The following METTL16 variants were observed in gnomAD, a reference collection of about 807,000 sequenced individuals.
The protein encoded by METTL16 is RNA N(6)-adenosine-methyltransferase METTL16.
In METTL16, 19 loss-of-function variants were observed where a neutral mutation model predicts 57.9. The ratio of observed to expected loss-of-function variants is 0.33; its 90% CI spans 0.23 to 0.48. The LOEUF (loss-of-function observed/expected upper bound fraction) is 0.48. Among genes scored for constraint, METTL16 ranks in the 20% least tolerant of loss-of-function variants. METTL16 has a pLI of 0.99. For synonymous variants in METTL16, 246 were observed against 255.6 expected, an observed-to-expected ratio of 0.96 and a Z score of 0.36; for missense variants, 434 against 691.5, an observed-to-expected ratio of 0.63 and a Z score of 4.18.
chr17:2,435,430 C>T (rs2066902353), intron 8 of METTL16, among the ~76,000 whole-genome samples: 1 of 151,976 alleles, frequency 6.6e-6, no homozygotes, highest in Admixed American at 6.6e-5. Context: ...TTTCAAAAAA[C>T]GAGGGTGGGG....
intron 2 of METTL16, among the ~76,000 whole-genome samples, chr17:2,492,002 G>A (rs920749280): frequency 6.6e-6 from 1 of 151,220 alleles, no homozygotes; most frequent in Non-Finnish European, 1.5e-5. Context: ...ACGAGGTCAG[G>A]AGATCGAGAC....
At position 2,492,148 on chromosome 17, in the gene METTL16, T is replaced by C. The variant is rs547855006; in HGVS notation, c.128+10056A>G. ...ATGGCGTGAACCTGGGAGGCGGAGC[T>C]TGCAGTGAGCCGAGATTGCGCCACT... is the stretch of plus-strand genomic sequence containing the variant. On this transcript the variant is annotated intron_variant, in intron 2 of 9. Coordinates refer to ENST00000263092, the MANE Select transcript of METTL16 (RefSeq NM_024086.4). Among the ~76,000 whole-genome samples, 103 of 151,706 alleles carry C rather than the reference T, an allele frequency of 6.8e-4. 1 individual carries two copies. The South Asian group carries it at 9.4e-3, about 14-fold the overall frequency.
intron 6 of METTL16, among the ~76,000 whole-genome samples, chr17:2,452,287 G>T (rs528788352): frequency 6.6e-6 from 1 of 152,040 alleles, no homozygotes; most frequent in Non-Finnish European, 1.5e-5. Context: ...TTTAACCTTT[G>T]CACTAAACTG....
intron 8 of METTL16, chr17:2,424,431 T>G (rs905613979): frequency 1.3e-5 from 2 of 152,046 alleles, no homozygotes; most frequent in African/African-American, 4.8e-5. Flanking sequence ...ATTTTTTAAA[T>G]AGAGAAGGGT....
In METTL16 at chr17:2,508,910, T is replaced by C. The variant is rs546001101; in HGVS notation, c.-1+2849A>G. Reference sequence around the variant, plus strand: ...GTCTTCTTCCATTTTCTCTGCTGCATGGTAGTCTGTCTCACCATCTCCTAT... The same window carrying C: ...GTCTTCTTCCATTTTCTCTGCTGCACGGTAGTCTGTCTCACCATCTCCTAT... On this transcript the variant is annotated intron_variant, in intron 1 of 9. Coordinates refer to ENST00000263092, the MANE Select transcript of METTL16 (RefSeq NM_024086.4). Among the ~76,000 whole-genome samples the C allele has an allele frequency of 6.0e-4, 92 of 152,298 alleles. 2 individuals carry two copies. Among genetic ancestry groups the C allele is most frequent in the Admixed American group, 6.0e-3 (91 of 15,278 alleles).
chr17:2,432,600 AT>A (rs2066881517), intron 8 of METTL16, among the ~76,000 whole-genome samples: 1 of 152,000 alleles, frequency 6.6e-6, no homozygotes, highest in African/African-American at 2.4e-5. Flanking sequence ...TGGTGGAATT[AT>A]TTATATCCGA....
chr17:2,502,148 C>T lies in METTL16; in HGVS notation c.128+56G>A, dbSNP rs942192441. Reference sequence around the variant, plus strand: ...TAACACTCAGGTGGGCTTTCTATTACATCATATCCATTTGAATCACACAAG... The same window carrying T: ...TAACACTCAGGTGGGCTTTCTATTATATCATATCCATTTGAATCACACAAG... On this transcript the variant is annotated intron_variant, in intron 2 of 9. Coordinates refer to ENST00000263092, the MANE Select transcript of METTL16 (RefSeq NM_024086.4). 4.6e-5 allele frequency: 73 copies of T among 1,576,984 alleles called. No individual in the cohort carries two copies. The East Asian group carries it at 1.4e-3, about 31-fold the overall frequency.
chr17:2,422,456 C>G (rs2066773491), intron 8 of METTL16, among the ~76,000 whole-genome samples: 1 of 152,008 alleles, frequency 6.6e-6, no homozygotes, highest in Non-Finnish European at 1.5e-5. Flanking sequence ...TCTCGGCTCA[C>G]TGCAACCTCC....
chr17:2,446,530 C>G (rs2066996293), intron 6 of METTL16, among the ~76,000 whole-genome samples: 1 of 152,136 alleles, frequency 6.6e-6, no homozygotes, highest in African/African-American at 2.4e-5. Context: ...CACCTGTAAT[C>G]TCAGCACTTT....
At chr17:2,461,687 C>T (rs1296751366) in intron 6 of METTL16, among the ~76,000 whole-genome samples, 1 of 151,692 alleles carries the variant, frequency 6.6e-6, no homozygotes, top group Admixed American at 6.6e-5. Context: ...AGCAGTTCTC[C>T]TGCCTCAGCC....
At chr17:2,466,065 C>T (rs562717530) in intron 5 of METTL16, among the ~76,000 whole-genome samples, 1 of 151,554 alleles carries the variant, frequency 6.6e-6, no homozygotes, top group African/African-American at 2.4e-5. Context: ...TGGAGGTGCA[C>T]GCTTATGATC....
chr17:2,425,191 G>C (rs1390518741), intron 8 of METTL16, among the ~76,000 whole-genome samples: 1 of 152,186 alleles, frequency 6.6e-6, no homozygotes, highest in Non-Finnish European at 1.5e-5. Flanking sequence ...GCAAACACTA[G>C]TACATAGAAG....
Position 2,434,469 on chromosome 17 carries a change from T to G in METTL16, c.888+3640A>C, listed in dbSNP as rs565422408. On this transcript the variant is annotated intron_variant, in intron 8 of 9. Transcript: ENST00000263092. ...ACTTCAGGTGATCACCACCTTGGCC[T>G]CCCAAAGTGCTGGGATCACAGGCAT... Among the ~76,000 whole-genome samples, 3 of 152,318 alleles carry G rather than the reference T, an allele frequency of 2.0e-5. No homozygotes were observed. In the South Asian group the frequency reaches 6.2e-4, roughly 32 times the overall value.
Position 2,418,327 on chromosome 17 carries a change from A to T in METTL16, c.*1643T>A, listed in dbSNP as rs1258758170. The T allele has an allele frequency of 6.6e-6, 1 of 152,320 alleles. No homozygotes were observed. The highest frequency in any genetic ancestry group is 1.5e-5 in the Non-Finnish European group (1 of 68,152). The allele number at this position is 152,320 out of a possible 1,614,324, so 9.4% of individuals were successfully genotyped here. On this transcript the variant is annotated 3_prime_UTR_variant, in exon 10 of 10. Coordinates refer to ENST00000263092, the MANE Select transcript of METTL16 (RefSeq NM_024086.4). Reference sequence around the variant, plus strand: ...GGTCAGAGGCTGGGAGTAGTGGCTCACGGCTGTAATCCCAGCACTTTGGGA... The same window carrying T: ...GGTCAGAGGCTGGGAGTAGTGGCTCTCGGCTGTAATCCCAGCACTTTGGGA...
At chr17:2,458,507 T>G (rs1035193789) in intron 6 of METTL16, among the ~76,000 whole-genome samples, 1 of 151,564 alleles carries the variant, frequency 6.6e-6, no homozygotes, top group African/African-American at 2.4e-5. Flanking sequence ...AGCTCAAGAG[T>G]TCCAGACCAG....
chr17:2,481,187 GAC>G (rs2067303414), intron 2 of METTL16, among the ~76,000 whole-genome samples: 1 of 149,064 alleles, frequency 6.7e-6, no homozygotes. Flanking sequence ...CCGTACGGAT[GAC>G]AGAGTGAGAC....
chr17:2,476,225 T>C (rs143139433), intron 3 of METTL16, among the ~76,000 whole-genome samples: 2 of 152,284 alleles, frequency 1.3e-5, no homozygotes, highest in East Asian at 1.9e-4. Flanking sequence ...AAGTCTGAGA[T>C]GTTTTTCAGA....
chr17:2,498,407 T>A (rs2067462461), intron 2 of METTL16, among the ~76,000 whole-genome samples: 1 of 150,470 alleles, frequency 6.6e-6, no homozygotes, highest in South Asian at 2.1e-4. Context: ...CAAGACTCTG[T>A]CTCCAAACAA....
At chr17:2,469,811 G>A (rs774829784) in intron 4 of METTL16, among the ~76,000 whole-genome samples, 1 of 152,072 alleles carries the variant, frequency 6.6e-6, no homozygotes, top group South Asian at 2.1e-4. Context: ...GTGAGCCACC[G>A]CACCCGGCCT....
Sources: allele counts gnomAD v4.1 joint callset (sites outside exome capture counted in the v4.1 genomes callset), GRCh38; gene constraint gnomAD v4.1.1; transcripts MANE v1.5; gene names NCBI Gene and HGNC (gene_info 2026-07-23, HGNC 2026-07-21).